Variants in NUDC observed in about 807,000 individuals in gnomAD.
NUDC encodes nuclear distribution C, dynein complex regulator.
Under a neutral mutation model 45.0 loss-of-function variants are expected in NUDC, and 14 were observed. The ratio of observed to expected loss-of-function variants is 0.31; its 90% CI spans 0.21 to 0.49. The LOEUF (loss-of-function observed/expected upper bound fraction) is 0.49, where lower values mean the gene tolerates loss of function less well. Among genes scored for constraint, NUDC ranks in the 20% least tolerant of loss-of-function variants. The pLI, the probability that NUDC is intolerant of heterozygous loss-of-function variation, is 0.99. For synonymous variants in NUDC, 153 were observed against 156.7 expected (o/e 0.98, Z 0.17); for missense variants, 323 against 426.2 (o/e 0.76, Z 2.13).
intron 3 of NUDC, chr1:26,913,698 G>A (rs2082043575): frequency 6.2e-7 from 1 of 1,610,852 alleles, no homozygotes; most frequent in Non-Finnish European, 8.5e-7. Context: ...GCTGGTCCTG[G>A]GGAGGCAGCT....
intron 2 of NUDC, 101 bp downstream of exon 2, chr1:26,924,267 A>G: frequency 1.0e-6 from 1 of 1,004,172 alleles, no homozygotes. Flanking sequence ...AGCAGAAGCG[A>G]AATGCCAAAG....
intron 3 of NUDC, chr1:26,912,047 A>T: frequency 6.2e-7 from 1 of 1,614,112 alleles, no homozygotes; most frequent in Non-Finnish European, 8.5e-7. Flanking sequence ...CTCCTGCTGC[A>T]GGTGCCCAAT....
chr1:26,903,472 AAT>A (rs1433523747), intron 2 of NUDC, among the ~76,000 whole-genome samples: 1 of 152,202 alleles, frequency 6.6e-6, no homozygotes, highest in African/African-American at 2.4e-5. Flanking sequence ...TGTTTTACTC[AAT>A]GTTTAAAATG....
At position 26,945,455 on chromosome 1, in the gene NUDC, T is replaced by G. The variant is rs776277811; in HGVS notation, c.807T>G (p.Ile269Met). ...SSDPEINTKK[I>M]NPENSKLSDL... ...ACCCTGAGATCAACACCAAGAAGAT[T>G]AACCCTGAGAATTCCAAGGTGAGCC... The change falls in exon 7 of 9, where the codon ATT becomes ATG. Residue 269 changes from isoleucine to methionine, a missense_variant. Around this residue, in one of 3 missense-constraint regions of NUDC, gnomAD observed 54 missense variants for 100.2 expected, o/e 0.54. Coordinates refer to ENST00000321265, the MANE Select transcript of NUDC (RefSeq NM_006600.4). 12 of 1,614,152 alleles carry G rather than the reference T, an allele frequency of 7.4e-6. 1 individual carries two copies. The South Asian group carries it at 1.2e-4, about 16-fold the overall frequency.
chr1:26,945,759 G>A, intron 8 of NUDC, 73 bp downstream of exon 8: 1 of 1,030,618 alleles, frequency 9.7e-7, no homozygotes, highest in South Asian at 1.3e-5. Flanking sequence ...AGCAGTGAGT[G>A]GATCACTGCG....
chr1:26,941,847 A>G, intron 4 of NUDC, 29 bp downstream of exon 4: 1 of 1,609,052 alleles, frequency 6.2e-7, no homozygotes, highest in African/African-American at 1.3e-5. Context: ...ACTTGGGATG[A>G]GCCAGGAGCT....
intron 2 of NUDC, among the ~76,000 whole-genome samples, chr1:26,903,762 G>A (rs953811209): frequency 3.3e-5 from 5 of 151,992 alleles, no homozygotes; most frequent in Non-Finnish European, 2.9e-5. Context: ...TGTAATTCCA[G>A]CACTTTGGGA....
chr1:26,933,706 A>T (rs1047716795), intron 2 of NUDC, among the ~76,000 whole-genome samples: 1 of 152,042 alleles, frequency 6.6e-6, no homozygotes, highest in Non-Finnish European at 1.5e-5. Flanking sequence ...GAGCCACTGC[A>T]TCCAGCCAGT....
At chr1:26,913,211 C>A (rs1371240541) in intron 3 of NUDC, among the ~76,000 whole-genome samples, 1 of 152,092 alleles carries the variant, frequency 6.6e-6, no homozygotes, top group Non-Finnish European at 1.5e-5. Context: ...TGCTTGAACC[C>A]AGGAGGCAGA....
At chr1:26,906,924 G>A (rs2082005299) in intron 2 of NUDC, among the ~76,000 whole-genome samples, 1 of 152,128 alleles carries the variant, frequency 6.6e-6, no homozygotes, top group African/African-American at 2.4e-5. Flanking sequence ...TACCCAGAGT[G>A]AGCACCCACA....
intron 2 of NUDC, among the ~76,000 whole-genome samples, chr1:26,929,368 T>A (rs1366193500): frequency 6.6e-6 from 1 of 151,734 alleles, no homozygotes; most frequent in Admixed American, 6.6e-5. Flanking sequence ...AGCCCAGGAA[T>A]TTGAGATCAG....
chr1:26,928,938 CAGG>C (rs1283302498), intron 2 of NUDC, among the ~76,000 whole-genome samples: 1 of 152,118 alleles, frequency 6.6e-6, no homozygotes, highest in Non-Finnish European at 1.5e-5. Context: ...CCAAAATAAT[CAGG>C]AGGAGGATTT....
intron 2 of NUDC, among the ~76,000 whole-genome samples, chr1:26,941,041 C>T (rs140198462): frequency 0.028 from 4,128 of 149,784 alleles, 183 homozygotes; most frequent in African/African-American, 0.095. Flanking sequence ...CCCACCTCAG[C>T]TTCTCGAGTA....
chr1:26,911,813 G>A (rs1186423035), intron 3 of NUDC: 1 of 1,613,804 alleles, frequency 6.2e-7, no homozygotes, highest in Non-Finnish European at 8.5e-7. Context: ...GCCAGCCTCT[G>A]CCCACCTGAT....
intron 4 of NUDC, 130 bp from the exon 5 acceptor site, chr1:26,942,530 G>A: frequency 2.3e-6 from 3 of 1,329,024 alleles, no homozygotes; most frequent in Non-Finnish European, 1.1e-6. Flanking sequence ...CCTCTGTGGA[G>A]TGGGCAGGGA....
intron 2 of NUDC, among the ~76,000 whole-genome samples, chr1:26,902,745 C>CAA (rs767379045): frequency 7.3e-6 from 1 of 137,070 alleles, no homozygotes; most frequent in Non-Finnish European, 1.6e-5. Flanking sequence ...GAATCTGTCT[C>CAA]AAAAAAAAAA....
At chr1:26,918,751 T>A (rs2082074907), upstream of NUDC, among the ~76,000 whole-genome samples, 1 of 151,798 alleles carries the variant, frequency 6.6e-6, no homozygotes, top group Admixed American at 6.6e-5. Flanking sequence ...AGTTTTTGTA[T>A]TTTTAGTAGA....
chr1:26,935,007 A>T (rs755070355), intron 2 of NUDC, among the ~76,000 whole-genome samples: 2 of 146,924 alleles, frequency 1.4e-5, no homozygotes, highest in Non-Finnish European at 3.0e-5. Context: ...TTTGAGACAG[A>T]GTCTCGCTCT....
chr1:26,912,653 C>T (rs183909337), intron 3 of NUDC, among the ~76,000 whole-genome samples: 10 of 152,292 alleles, frequency 6.6e-5, no homozygotes, highest in East Asian at 5.8e-4. Context: ...CTCTCCTGGC[C>T]GAATTCCATA....
Sources: allele counts gnomAD v4.1 joint callset (sites outside exome capture counted in the v4.1 genomes callset), GRCh38; gene constraint gnomAD v4.1.1; regional missense constraint gnomAD v4.1.1; transcripts MANE v1.5; gene names NCBI Gene and HGNC (gene_info 2026-07-23, HGNC 2026-07-21).